GSTA3: variants seen among roughly 807,000 people sequenced by gnomAD.
GSTA3 encodes the protein glutathione S-transferase alpha 3, also known as glutathione S-transferase A3.
Under a neutral mutation model 23.1 loss-of-function variants are expected in GSTA3, and 16 were observed. The observed-to-expected ratio is 0.69, with a 90% CI of 0.47 to 1.05. GSTA3 has a LOEUF of 1.05. GSTA3 is among the 50% of genes least tolerant of loss of function. The pLI is 0.00. For missense variants in GSTA3, 319 were observed against 263.6 expected (o/e 1.21, Z -1.46); for synonymous variants, 122 against 91.0 (o/e 1.34, Z -1.94).
intron 6 of GSTA3, among the ~76,000 whole-genome samples, chr6:52,897,286 T>C (rs1257489165): frequency 6.6e-6 from 1 of 152,006 alleles, no homozygotes; most frequent in Non-Finnish European, 1.5e-5. Flanking sequence ...GAGAAATGAG[T>C]TGGAAAGGAA....
Position 52,900,027 on chromosome 6 carries a change from A to T in GSTA3, c.321T>A (p.Leu107=). ...CCTCAGGTCGACATAAGGGCAGAAG[A>T]AGGATCATTTCATTCAAATCTGCCA... The part of the protein sequence containing the change: ...EGMADLNEMI[L]LLPLCRPEEK... Residue 107 remains leucine (L), a synonymous_variant, in exon 5 of 7, where the codon CTT becomes CTA. Transcript: ENST00000211122. 1 of 1,612,992 alleles carries T rather than the reference A, an allele frequency of 6.2e-7. No homozygotes were observed. The highest frequency in any genetic ancestry group is 2.2e-5 in the East Asian group (1 of 44,870).
Position 52,897,852 on chromosome 6 carries a change from G to T in GSTA3, c.519C>A (p.Ser173Arg). ...TCAGCAGAGGGAAGTTGGAGATAAG[G>T]CTGGAGTCAAGCTCTTCCACATAGT... ...LLYYVEELDS[S>R]LISNFPLLKA... is the part of the protein sequence containing the mutation. Residue 173 changes from serine (S) to arginine (R), a missense_variant, in exon 6 of 7, where the codon AGC becomes AGA. By Grantham distance (110) the Ser-to-Arg change is moderately radical. Coordinates refer to ENST00000211122, the MANE Select transcript of GSTA3 (RefSeq NM_000847.5). 6.2e-7 allele frequency: 1 copy of T among 1,613,788 alleles called. No individual in the cohort carries two copies. The highest frequency in any genetic ancestry group is 8.5e-7 in the Non-Finnish European group (1 of 1,179,852).
Position 52,896,648 on chromosome 6 carries a change from AG to A in GSTA3, c.*157del. On this transcript the variant is annotated 3_prime_UTR_variant, in exon 7 of 7. Transcript: ENST00000211122. Reference sequence around the variant, plus strand: ...AATGAAAAGGCTTAAATTTTAACTAAGTTAGCAAATAGGAGTTTTTATTATT... The same window carrying A: ...AATGAAAAGGCTTAAATTTTAACTAATTAGCAAATAGGAGTTTTTATTATT... The A allele has an allele frequency of 1.3e-6, 1 of 759,236 alleles. No homozygotes were observed. Among genetic ancestry groups the A allele is most frequent in the Non-Finnish European group, 2.0e-6 (1 of 502,028 alleles). The allele number at this position is 759,236 out of a possible 1,614,324, so 47.0% of individuals were successfully genotyped here.
chr6:52,902,181 T>C (rs1463500608), intron 4 of GSTA3, among the ~76,000 whole-genome samples, 165 bp downstream of exon 4: 1 of 152,186 alleles, frequency 6.6e-6, no homozygotes, highest in Non-Finnish European at 1.5e-5. Context: ...TCACGTTCAC[T>C]GTTTCCTCAT....
Position 52,900,004 on chromosome 6 carries a change from T to C in GSTA3, c.344A>G (p.Glu115Gly). The C allele has an allele frequency of 5.0e-6, 8 of 1,613,862 alleles. No individual in the cohort carries two copies. The highest frequency in any genetic ancestry group is 1.1e-5 in the South Asian group (1 of 91,060). The change falls in exon 5 of 7, where the codon GAG becomes GGG. Residue 115 changes from glutamate to glycine, a missense_variant. Glu to Gly is a moderately conservative substitution (Grantham distance 98). Coordinates refer to ENST00000211122, the MANE Select transcript of GSTA3 (RefSeq NM_000847.5). Reference protein sequence around the residue: ...MILLLPLCRPEEKDAKIALIK... With the variant: ...MILLLPLCRPGEKDAKIALIK... ...CAAGGCAATCTTGGCATCTTTTTCC[T>C]CAGGTCGACATAAGGGCAGAAGAAG...
At chr6:52,909,456 GAAT>G (rs1250937758) in intron 1 of GSTA3, among the ~76,000 whole-genome samples, 182 bp downstream of exon 1, 1 of 152,048 alleles carries the variant, frequency 6.6e-6, no homozygotes, top group Non-Finnish European at 1.5e-5. Context: ...CTAAATTGTT[GAAT>G]ATTATTTTTC....
chr6:52,901,366 A>G (rs1201169878), intron 4 of GSTA3, among the ~76,000 whole-genome samples: 1 of 152,200 alleles, frequency 6.6e-6, no homozygotes, highest in African/African-American at 2.4e-5. Flanking sequence ...TTTCATACAC[A>G]CAATCCTACA....
At chr6:52,901,293 C>T (rs954465613) in intron 4 of GSTA3, among the ~76,000 whole-genome samples, 1 of 152,190 alleles carries the variant, frequency 6.6e-6, no homozygotes, top group Non-Finnish European at 1.5e-5. Flanking sequence ...AAACCCCAAA[C>T]CTTTTAGCTT....
At chr6:52,903,865 C>T in intron 2 of GSTA3, 138 bp from the exon 3 acceptor site, 1 of 617,936 alleles carries the variant, frequency 1.6e-6, no homozygotes, top group Non-Finnish European at 2.9e-6. Flanking sequence ...ACAGAAGAAG[C>T]TGGTCATGGC....
intron 1 of GSTA3, among the ~76,000 whole-genome samples, chr6:52,906,692 G>A (rs943108943): frequency 1.3e-5 from 2 of 151,672 alleles, no homozygotes; most frequent in Non-Finnish European, 1.5e-5. Flanking sequence ...TGACAAACCT[G>A]ACAAAAACAA....
intron 6 of GSTA3, among the ~76,000 whole-genome samples, 179 bp from the exon 7 acceptor site, chr6:52,897,107 C>G (rs757540662): frequency 9.9e-5 from 15 of 152,196 alleles, no homozygotes; most frequent in Admixed American, 9.2e-4. Context: ...ACATGTAGCT[C>G]ACTTTATTTT....
intron 5 of GSTA3, 103 bp from the exon 6 acceptor site, chr6:52,898,059 T>A: frequency 7.6e-7 from 1 of 1,318,968 alleles, no homozygotes; most frequent in Non-Finnish European, 1.1e-6. Context: ...CTGTGTTGCC[T>A]AACTGGATGG....
chr6:52,900,021 CAGA>C lies in GSTA3; in HGVS notation c.324_326del (p.Leu109del). 1.9e-6 allele frequency: 3 copies of C among 1,613,180 alleles called. No homozygotes were observed. Among genetic ancestry groups the C allele is most frequent in the Non-Finnish European group, 2.5e-6 (3 of 1,179,248 alleles). The stretch of plus-strand genomic sequence containing the variant: ...CTTTTTCCTCAGGTCGACATAAGGG[CAGA>C]AGAAGGATCATTTCATTCAAATCTG... On this transcript the variant is annotated inframe_deletion, in exon 5 of 7. Transcript: ENST00000211122.
At chr6:52,904,883 G>T (rs757716468) in intron 2 of GSTA3, among the ~76,000 whole-genome samples, 1 of 152,094 alleles carries the variant, frequency 6.6e-6, no homozygotes, top group Non-Finnish European at 1.5e-5. Flanking sequence ...TTTTAACCAC[G>T]TGTTTTCTTA....
At chr6:52,906,788 C>T (rs557758175) in intron 1 of GSTA3, among the ~76,000 whole-genome samples, 2,360 of 150,850 alleles carry the variant, frequency 0.016, 62 homozygotes, top group African/African-American at 0.055. Context: ...GGATCCCTTC[C>T]TTACACCTTA....
chr6:52,897,368 A>G lies in GSTA3; in HGVS notation c.547-440T>C, dbSNP rs45600335. Among the ~76,000 whole-genome samples, 168 of 152,374 alleles carry G rather than the reference A, an allele frequency of 1.1e-3. 1 individual carries two copies. In the East Asian group the frequency reaches 0.029, roughly 26 times the overall value. On this transcript the variant is annotated intron_variant, in intron 6 of 6. Coordinates refer to ENST00000211122, the MANE Select transcript of GSTA3 (RefSeq NM_000847.5). Reference sequence around the variant, plus strand: ...CAGTGAGAGATACAGGGTTGGGGGCAGTGTGTTGGGTGTGCTGTGCACAGA... The same window carrying G: ...CAGTGAGAGATACAGGGTTGGGGGCGGTGTGTTGGGTGTGCTGTGCACAGA...
Position 52,906,341 on chromosome 6 carries a change from C to A in GSTA3, c.-21-486G>T, listed in dbSNP as rs139467908. Among the ~76,000 whole-genome samples, 111 of 152,266 alleles carry A rather than the reference C, an allele frequency of 7.3e-4. 1 individual carries two copies. The highest frequency in any genetic ancestry group is 2.5e-3 in the African/African-American group (105 of 41,546). ...TTAGTGTCAAAGTCTGGATTAGAAC[C>A]TAGGTCTTCTGACATTCAGACTAGT... is the stretch of plus-strand genomic sequence containing the variant. On this transcript the variant is annotated intron_variant, in intron 1 of 6. Coordinates refer to ENST00000211122, the MANE Select transcript of GSTA3 (RefSeq NM_000847.5).
chr6:52,898,913 C>T (rs1765567079), intron 5 of GSTA3, among the ~76,000 whole-genome samples: 1 of 152,160 alleles, frequency 6.6e-6, no homozygotes. Context: ...TTAGACTGCA[C>T]TGGCTAAACT....
rs773112629 is a variant in GSTA3 at position 52,896,915 on chromosome 6, C to A, written c.560G>T (p.Arg187Ile). 1 of 1,613,962 alleles carries A rather than the reference C, an allele frequency of 6.2e-7. No individual in the cohort carries two copies. Among genetic ancestry groups the A allele is most frequent in the South Asian group, 1.1e-5 (1 of 91,076 alleles). ...CTTCACCGTGGGCAGGTTGCTGATTCTGGTTTTCAGGGCCTGTAATTCACA... is the reference window on the plus strand; with the variant it reads ...CTTCACCGTGGGCAGGTTGCTGATTATGGTTTTCAGGGCCTGTAATTCACA... ...NFPLLKALKT[R>I]ISNLPTVKKF... The change falls in exon 7 of 7, where the codon AGA becomes ATA. Residue 187 changes from arginine (R) to isoleucine (I), a missense_variant. Coordinates refer to ENST00000211122, the MANE Select transcript of GSTA3 (RefSeq NM_000847.5).
Sources: gnomAD v4.1 joint callset for allele counts (sites outside exome capture counted in the v4.1 genomes callset) on GRCh38, gnomAD v4.1.1 for gene constraint, MANE v1.5 for transcripts, NCBI Gene and HGNC (gene_info 2026-07-23, HGNC 2026-07-21) for gene names.